The following C8orf34 variants were observed in gnomAD, a reference collection of about 807,000 sequenced individuals.
C8orf34 encodes chromosome 8 open reading frame 34, also known as uncharacterized protein C8orf34.
Under a neutral mutation model 68.3 loss-of-function variants are expected in C8orf34, and 65 were observed. That is an observed-to-expected ratio of 0.95 (90% CI 0.78 to 1.17). The LOEUF (loss-of-function observed/expected upper bound fraction) is 1.17, where lower values mean the gene tolerates loss of function less well. Ranked by LOEUF, C8orf34 falls within the 50% of genes most tolerant of loss-of-function variation. C8orf34 has a pLI of 0.00. For missense variants in C8orf34, 664 were observed against 655.4 expected (o/e 1.01, Z -0.14); for synonymous variants, 244 against 241.2 (o/e 1.01, Z -0.11).
intron 3 of C8orf34, among the ~76,000 whole-genome samples, chr8:68,451,028 GC>G (rs1299932267): frequency 2.0e-5 from 3 of 152,062 alleles, no homozygotes; most frequent in African/African-American, 7.2e-5. Flanking sequence ...AACTATCTTA[GC>G]TAGATCTTCT....
chr8:68,378,187 A>G (rs1288685314), intron 1 of C8orf34, among the ~76,000 whole-genome samples: 1 of 152,226 alleles, frequency 6.6e-6, no homozygotes, highest in African/African-American at 2.4e-5. Flanking sequence ...CAAGAAATGT[A>G]TATTGAAAAC....
intron 1 of C8orf34, among the ~76,000 whole-genome samples, chr8:68,390,851 G>A (rs1272112734): frequency 6.6e-6 from 1 of 152,098 alleles, no homozygotes; most frequent in Non-Finnish European, 1.5e-5. Flanking sequence ...AAATCTGCAG[G>A]GCAGGTCGGC....
At chr8:68,575,999 T>A (rs1816893681) in intron 7 of C8orf34, among the ~76,000 whole-genome samples, 1 of 148,552 alleles carries the variant, frequency 6.7e-6, no homozygotes, top group African/African-American at 2.5e-5. Context: ...TTACCTTTTT[T>A]AATACAATTG....
intron 1 of C8orf34, among the ~76,000 whole-genome samples, chr8:68,379,635 T>C (rs766279770): frequency 3.9e-5 from 6 of 152,220 alleles, no homozygotes; most frequent in African/African-American, 9.7e-5. Context: ...TTGTTTCTCT[T>C]TGCAATATTA....
intron 10 of C8orf34, among the ~76,000 whole-genome samples, chr8:68,740,926 G>T (rs1822271411): frequency 6.6e-6 from 1 of 152,178 alleles, no homozygotes; most frequent in Non-Finnish European, 1.5e-5. Context: ...CATGTCCTTT[G>T]TGCAAACATG....
chr8:68,373,622 A>G (rs547917862), intron 1 of C8orf34, among the ~76,000 whole-genome samples: 16 of 152,304 alleles, frequency 1.1e-4, no homozygotes, highest in Non-Finnish European at 2.1e-4. Flanking sequence ...TCCCATTACT[A>G]TGGTTAACTT....
intron 8 of C8orf34, among the ~76,000 whole-genome samples, chr8:68,656,122 G>C (rs1819504016): frequency 6.6e-6 from 1 of 152,104 alleles, no homozygotes; most frequent in African/African-American, 2.4e-5. Context: ...CCAGAAATCA[G>C]GTATTGCATA....
chr8:68,745,379 T>C (rs1472136892), intron 10 of C8orf34, among the ~76,000 whole-genome samples: 1 of 151,634 alleles, frequency 6.6e-6, no homozygotes. Flanking sequence ...AATTCACATA[T>C]AATAATATTA....
chr8:68,468,233 A>C (rs1812230881), intron 3 of C8orf34, among the ~76,000 whole-genome samples: 1 of 151,996 alleles, frequency 6.6e-6, no homozygotes, highest in South Asian at 2.1e-4. Context: ...GAGGAAAAAA[A>C]TCCCTTCACT....
intron 7 of C8orf34, among the ~76,000 whole-genome samples, chr8:68,614,350 A>C (rs1818125128): frequency 6.6e-6 from 1 of 152,182 alleles, no homozygotes; most frequent in Non-Finnish European, 1.5e-5. Context: ...TGTTTTAGAA[A>C]TGAAGTCCTT....
chr8:68,626,441 A>G (rs1818540485), intron 7 of C8orf34, among the ~76,000 whole-genome samples: 1 of 152,240 alleles, frequency 6.6e-6, no homozygotes, highest in African/African-American at 2.4e-5. Flanking sequence ...TGACAAATTT[A>G]GAGCGTGGAT....
intron 7 of C8orf34, among the ~76,000 whole-genome samples, chr8:68,558,984 G>A (rs1046963034): frequency 2.6e-5 from 4 of 152,188 alleles, no homozygotes; most frequent in African/African-American, 9.6e-5. Flanking sequence ...ATCACAGAAG[G>A]CATCACAGAA....
At chr8:68,640,779 C>T (rs1055271687) in intron 8 of C8orf34, among the ~76,000 whole-genome samples, 4 of 152,150 alleles carry the variant, frequency 2.6e-5, no homozygotes, top group Non-Finnish European at 4.4e-5. Context: ...CATTCACTGT[C>T]CACCATTCCG....
chr8:68,669,761 T>G (rs1398299065), intron 8 of C8orf34, among the ~76,000 whole-genome samples: 2 of 152,138 alleles, frequency 1.3e-5, no homozygotes, highest in Non-Finnish European at 2.9e-5. Flanking sequence ...TCAATGGAGT[T>G]TTTCAGAGTT....
At chr8:68,732,435 T>A (rs1822003824) in intron 10 of C8orf34, among the ~76,000 whole-genome samples, 1 of 152,130 alleles carries the variant, frequency 6.6e-6, no homozygotes, top group South Asian at 2.1e-4. Context: ...TTTTAATGAT[T>A]TTTTTGTGTT....
intron 7 of C8orf34, among the ~76,000 whole-genome samples, chr8:68,558,587 GAGAT>G (rs1385856031): frequency 1.3e-5 from 2 of 152,010 alleles, no homozygotes; most frequent in Non-Finnish European, 2.9e-5. Flanking sequence ...AAGAGAGAAA[GAGAT>G]AGGGCGAGTG....
In C8orf34 at chr8:68,697,941, G is replaced by A. The variant is rs961692092; in HGVS notation, c.1242-11053G>A. ...CCTTAGGCTGCAACCTCAGGACACA[G>A]TTGTTTTAGAACTCTACGGGAATCT... On this transcript the variant is annotated intron_variant, in intron 8 of 13. Transcript: ENST00000518698. 6.6e-5 allele frequency among the ~76,000 whole-genome samples: 10 copies of A among 152,090 alleles called. No homozygotes were observed. In the South Asian group the frequency reaches 1.2e-3, roughly 19 times the overall value.
chr8:68,516,399 A>G (rs1814514858), intron 5 of C8orf34, among the ~76,000 whole-genome samples: 1 of 152,214 alleles, frequency 6.6e-6, no homozygotes, highest in Admixed American at 6.5e-5. Context: ...ATCCAGTTTT[A>G]TTAACAAGAG....
rs147842454 is a variant in C8orf34, at chr8:68,439,554, T to G, written c.383T>G (p.Ile128Ser). ...CCTGACCAGCCAATCCCATTTCTCA[T>G]TGACCATCTTCAGTCTAAACAAGGG... The part of the protein sequence containing the change: ...ETPDQPIPFL[I>S]DHLQSKQGNR... The change falls in exon 2 of 14, where the codon ATT (isoleucine) becomes AGT (serine). Residue 128 changes from isoleucine (I) to serine (S), a missense_variant. Transcript: ENST00000518698. The G allele has an allele frequency of 3.7e-6, 6 of 1,613,696 alleles. No homozygotes were observed. Among genetic ancestry groups the G allele is most frequent in the African/African-American group, 2.7e-5 (2 of 74,930 alleles).
Sources: allele counts gnomAD v4.1 joint callset (sites outside exome capture counted in the v4.1 genomes callset), GRCh38; gene constraint gnomAD v4.1.1; transcripts MANE v1.5; gene names NCBI Gene and HGNC (gene_info 2026-07-23, HGNC 2026-07-21).